MELK: variants seen among roughly 807,000 people sequenced by gnomAD.
MELK encodes the protein maternal embryonic leucine zipper kinase, also known as pEg3 kinase.
Under a neutral mutation model 85.0 loss-of-function variants are expected in MELK, and 81 were observed. The observed-to-expected ratio is 0.95, with a 90% CI of 0.80 to 1.15. The LOEUF (loss-of-function observed/expected upper bound fraction) is 1.15. MELK is among the 50% of genes most tolerant of loss of function. MELK has a pLI of 0.00. For missense variants in MELK, 754 were observed against 777.5 expected, an observed-to-expected ratio of 0.97 and a Z score of 0.36; for synonymous variants, 252 against 265.0, an observed-to-expected ratio of 0.95 and a Z score of 0.48.
chr9:36,593,765 C>T (rs562765276), intron 4 of MELK, among the ~76,000 whole-genome samples: 2 of 152,144 alleles, frequency 1.3e-5, no homozygotes, highest in Non-Finnish European at 2.9e-5. Context: ...AATCTTGGCT[C>T]ACTGCAACCT....
intron 4 of MELK, 57 bp downstream of exon 4, chr9:36,589,709 G>C: frequency 1.6e-6 from 2 of 1,257,092 alleles, no homozygotes; most frequent in Admixed American, 3.6e-5. Flanking sequence ...AATAGTAAAA[G>C]AGAAAAGTAC....
intron 8 of MELK, among the ~76,000 whole-genome samples, chr9:36,619,267 C>T (rs961088629): frequency 2.0e-5 from 3 of 152,254 alleles, no homozygotes; most frequent in African/African-American, 4.8e-5. Flanking sequence ...CCTAACTCTA[C>T]GTATTCTTTA....
intron 13 of MELK, among the ~76,000 whole-genome samples, chr9:36,663,080 CTT>C (rs202077914): frequency 6.9e-6 from 1 of 145,810 alleles, no homozygotes. Context: ...TTCCTTGTTT[CTT>C]TTTTTTTTTC....
intron 7 of MELK, among the ~76,000 whole-genome samples, chr9:36,599,715 C>T (rs950190070): frequency 5.3e-5 from 8 of 152,092 alleles, no homozygotes; most frequent in African/African-American, 1.7e-4. Flanking sequence ...TTCTGGTGTC[C>T]TTGTTGTGGC....
At chr9:36,629,543 T>G (rs1224442607) in intron 8 of MELK, among the ~76,000 whole-genome samples, 1 of 152,204 alleles carries the variant, frequency 6.6e-6, no homozygotes, top group Non-Finnish European at 1.5e-5. Flanking sequence ...GAATTCTGTT[T>G]TGTGGATGAC....
chr9:36,660,463 A>G (rs867330652), intron 13 of MELK, among the ~76,000 whole-genome samples: 14 of 151,834 alleles, frequency 9.2e-5, no homozygotes, highest in African/African-American at 3.1e-4. Flanking sequence ...GACTATAGGC[A>G]TGCACCACCA....
At chr9:36,615,097 G>A (rs906559580) in intron 8 of MELK, among the ~76,000 whole-genome samples, 7 of 132,692 alleles carry the variant, frequency 5.3e-5, no homozygotes, top group African/African-American at 1.8e-4. Context: ...CCTCCCGGAC[G>A]GGGCGGCTGG....
At chr9:36,618,608 A>G (rs2136164582) in intron 8 of MELK, among the ~76,000 whole-genome samples, 1 of 152,296 alleles carries the variant, frequency 6.6e-6, no homozygotes, top group African/African-American at 2.4e-5. Context: ...TCCTAAAAGT[A>G]GAAGTGTCAG....
chr9:36,642,122 T>C lies in MELK; in HGVS notation c.835-875T>C, dbSNP rs1829810944. Among the ~76,000 whole-genome samples the C allele has an allele frequency of 2.0e-5, 3 of 152,212 alleles. No individual in the cohort carries two copies. In the South Asian group the frequency reaches 6.2e-4, roughly 31 times the overall value. The stretch of plus-strand genomic sequence containing the variant: ...GGGATTATTTGGATAATTTCTGTCC[T>C]TAAGCAAAATGAATTTTGTATAGAG... On this transcript the variant is annotated intron_variant, in intron 10 of 17. Transcript: ENST00000298048.
intron 1 of MELK, among the ~76,000 whole-genome samples, chr9:36,580,405 C>A (rs182539464): frequency 6.6e-6 from 1 of 151,950 alleles, no homozygotes; most frequent in Non-Finnish European, 1.5e-5. Flanking sequence ...CTGCAACCTC[C>A]GCCTCCCAGG....
chr9:36,656,309 G>A (rs149848677), intron 12 of MELK, among the ~76,000 whole-genome samples: 45 of 152,312 alleles, frequency 3.0e-4, no homozygotes, highest in African/African-American at 1.1e-3. Context: ...TAAATTTGCA[G>A]TAGAGTTGTC....
chr9:36,632,005 T>A (rs1252124593), intron 9 of MELK, among the ~76,000 whole-genome samples: 5 of 152,350 alleles, frequency 3.3e-5, no homozygotes, highest in African/African-American at 9.6e-5. Flanking sequence ...AGATACTGAA[T>A]AAATACTTGA....
chr9:36,610,810 C>T (rs981400559), intron 8 of MELK, among the ~76,000 whole-genome samples: 5 of 152,190 alleles, frequency 3.3e-5, no homozygotes, highest in African/African-American at 1.2e-4. Flanking sequence ...AACATTTATC[C>T]AGTTATACTT....
At chr9:36,582,676 G>A (rs963620976) in intron 2 of MELK, among the ~76,000 whole-genome samples, 6 of 152,102 alleles carry the variant, frequency 3.9e-5, no homozygotes, top group Admixed American at 3.9e-4. Flanking sequence ...CGTTTCCAGG[G>A]AGTATCTGCC....
intron 16 of MELK, among the ~76,000 whole-genome samples, chr9:36,673,333 A>G (rs868240168): frequency 1.3e-5 from 2 of 152,232 alleles, no homozygotes; most frequent in Non-Finnish European, 2.9e-5. Context: ...ACTATTATTT[A>G]TCTGGTATTT....
intron 7 of MELK, among the ~76,000 whole-genome samples, chr9:36,603,110 A>G (rs1414571556): frequency 1.3e-5 from 2 of 152,028 alleles, no homozygotes; most frequent in Non-Finnish European, 2.9e-5. Flanking sequence ...GGTTTTTCCT[A>G]TGTAATTTTA....
intron 12 of MELK, among the ~76,000 whole-genome samples, chr9:36,653,790 A>G (rs921268710): frequency 1.1e-4 from 17 of 152,170 alleles, no homozygotes; most frequent in African/African-American, 3.9e-4. Context: ...ACTGTAAAAA[A>G]AAAACAAAAA....
At chr9:36,658,390 C>CT (rs1831462423) in intron 13 of MELK, among the ~76,000 whole-genome samples, 1 of 152,028 alleles carries the variant, frequency 6.6e-6, no homozygotes, top group Non-Finnish European at 1.5e-5. Flanking sequence ...GTTTCAGATT[C>CT]TTTCTTCTGC....
intron 12 of MELK, 101 bp downstream of exon 12, chr9:36,651,978 C>A: frequency 3.6e-6 from 4 of 1,115,422 alleles, no homozygotes; most frequent in Non-Finnish European, 3.5e-6. Flanking sequence ...GAGTCAGAGG[C>A]AAGATGTTTT....
Sources: allele counts gnomAD v4.1 joint callset (sites outside exome capture counted in the v4.1 genomes callset), GRCh38; gene constraint gnomAD v4.1.1; transcripts MANE v1.5; gene names NCBI Gene and HGNC (gene_info 2026-07-23, HGNC 2026-07-21).